Variants in TASP1 observed in about 807,000 individuals in gnomAD.
TASP1 encodes the protein threonine aspartase 1.
TASP1 carries 16 observed loss-of-function variants against 56.6 expected under a neutral mutation model. The observed-to-expected ratio is 0.28, with a 90% confidence interval of 0.19 to 0.43. The LOEUF is 0.43. TASP1 is among the 20% of genes least tolerant of loss of function. The pLI, the probability that TASP1 is intolerant of heterozygous loss-of-function variation, is 1.00. For synonymous variants in TASP1, 179 were observed against 184.2 expected (o/e 0.97, Z 0.23); for missense variants, 393 against 511.6 (o/e 0.77, Z 2.24).
chr20:13,325,221 A>G, the TASP1 span, among the ~76,000 whole-genome samples: 1 of 152,198 alleles, frequency 6.6e-6, no homozygotes, highest in African/African-American at 2.4e-5. Context: ...CGCATGTGGT[A>G]TCACAACTGA....
intron 13 of TASP1, among the ~76,000 whole-genome samples, chr20:13,404,812 G>C (rs377181450): frequency 6.6e-6 from 1 of 151,964 alleles, no homozygotes; most frequent in Non-Finnish European, 1.5e-5. Flanking sequence ...TATCAATTTT[G>C]ATTTCTTAAT....
At chr20:13,153,978 G>A in the TASP1 span, 1 of 1,610,882 alleles carries the variant, frequency 6.2e-7, no homozygotes, top group African/African-American at 1.3e-5. Flanking sequence ...GGGAATTGAT[G>A]GATTTCACGC....
At chr20:13,386,262 C>T (rs966566157), downstream of TASP1, among the ~76,000 whole-genome samples, 2 of 152,076 alleles carry the variant, frequency 1.3e-5, no homozygotes, top group Middle Eastern at 3.2e-3. Flanking sequence ...AAACTGCAGG[C>T]TATAGAACCC....
the TASP1 span, among the ~76,000 whole-genome samples, chr20:13,280,540 C>T: frequency 6.6e-6 from 1 of 152,184 alleles, no homozygotes; most frequent in Admixed American, 6.5e-5. Context: ...TAGGAGAACT[C>T]AGCTCCACTC....
At chr20:13,241,172 G>T in the TASP1 span, among the ~76,000 whole-genome samples, 1 of 152,128 alleles carries the variant, frequency 6.6e-6, no homozygotes, top group East Asian at 1.9e-4. Flanking sequence ...ACCTGAATGA[G>T]GTCACCAACT....
At chr20:13,196,696 A>G in the TASP1 span, among the ~76,000 whole-genome samples, 3 of 152,210 alleles carry the variant, frequency 2.0e-5, no homozygotes, top group African/African-American at 7.2e-5. Flanking sequence ...ACTTTGAGTT[A>G]AAACATGTAT....
the TASP1 span, among the ~76,000 whole-genome samples, chr20:13,170,409 T>C: frequency 6.6e-6 from 1 of 152,214 alleles, no homozygotes; most frequent in East Asian, 1.9e-4. Context: ...AAAAGGTTGA[T>C]TCCCATGCCA....
chr20:13,487,008 G>A (rs1172122125), intron 10 of TASP1, among the ~76,000 whole-genome samples: 4 of 152,080 alleles, frequency 2.6e-5, no homozygotes, highest in Admixed American at 2.6e-4. Flanking sequence ...GGGGAAAAAA[G>A]GCATAAAGAA....
chr20:13,275,458 G>A, the TASP1 span, among the ~76,000 whole-genome samples: 1 of 152,166 alleles, frequency 6.6e-6, no homozygotes, highest in Non-Finnish European at 1.5e-5. Context: ...AGCCTGTTCG[G>A]CTCAGATTCT....
chr20:13,576,342 GAAGAAAGAAAGA>G (rs71188165), intron 6 of TASP1, among the ~76,000 whole-genome samples: 2,336 of 131,712 alleles, frequency 0.018, 41 homozygotes, highest in African/African-American at 0.044. Flanking sequence ...AGAAAGAAAG[GAAGAAAGAAAGA>G]AAGAAAGAAA....
intron 11 of TASP1, among the ~76,000 whole-genome samples, chr20:13,474,565 T>C (rs1350183738): frequency 6.6e-6 from 1 of 152,240 alleles, no homozygotes; most frequent in Non-Finnish European, 1.5e-5. Context: ...TTCCATATGT[T>C]TGCAATTATA....
chr20:13,534,202 T>C, intron 8 of TASP1, 61 bp from the exon 9 acceptor site: 1 of 1,573,720 alleles, frequency 6.4e-7, no homozygotes, highest in East Asian at 2.3e-5. Context: ...CTGATATGAC[T>C]ACATAGCACT....
intron 12 of TASP1, among the ~76,000 whole-genome samples, chr20:13,423,033 A>T (rs760921360): frequency 2.6e-5 from 4 of 152,258 alleles, no homozygotes; most frequent in African/African-American, 4.8e-5. Flanking sequence ...TATTCCACAG[A>T]TATGCCTTTA....
rs191682343 is a variant in TASP1 at position 13,477,125 on chromosome 20, G to A, written c.985+6102C>T. On this transcript the variant is annotated intron_variant, in intron 11 of 13. Coordinates refer to ENST00000337743, the MANE Select transcript of TASP1 (RefSeq NM_017714.3). ...TTTTGTTCTTCCTATGACAGCTACT[G>A]TTCACATAAAATATTAATTGAATAT... Among the ~76,000 whole-genome samples, 22 of 152,152 alleles carry A rather than the reference G, an allele frequency of 1.4e-4. No homozygotes were observed. The East Asian group carries it at 4.3e-3, about 29-fold the overall frequency.
At chr20:13,224,741 AAGT>A in the TASP1 span, among the ~76,000 whole-genome samples, 1 of 152,160 alleles carries the variant, frequency 6.6e-6, no homozygotes, top group African/African-American at 2.4e-5. Context: ...ACGCCCAATA[AAGT>A]AGTAGTAAGA....
At chr20:13,318,616 T>C in the TASP1 span, among the ~76,000 whole-genome samples, 3 of 152,246 alleles carry the variant, frequency 2.0e-5, no homozygotes, top group Admixed American at 6.5e-5. Context: ...AGGGATAAAC[T>C]ATATCTTATT....
chr20:13,578,827 A>AC (rs1181877116), intron 6 of TASP1, among the ~76,000 whole-genome samples: 1 of 152,222 alleles, frequency 6.6e-6, no homozygotes, highest in East Asian at 1.9e-4. Context: ...ATCTACATCA[A>AC]CCTGTGTTAA....
At chr20:13,378,848 G>T in the TASP1 span, among the ~76,000 whole-genome samples, 5 of 151,968 alleles carry the variant, frequency 3.3e-5, no homozygotes, top group Admixed American at 6.6e-5. Flanking sequence ...TGTCTTTTTT[G>T]ATCTTTGTTG....
the TASP1 span, among the ~76,000 whole-genome samples, chr20:13,244,878 C>T: frequency 1.3e-5 from 2 of 152,158 alleles, no homozygotes; most frequent in East Asian, 3.8e-4. Flanking sequence ...TGCCAGTTTT[C>T]TATTGGAAGG....
Sources: allele counts gnomAD v4.1 joint callset (sites outside exome capture counted in the v4.1 genomes callset), GRCh38; gene constraint gnomAD v4.1.1; transcripts MANE v1.5; gene names NCBI Gene and HGNC (gene_info 2026-07-23, HGNC 2026-07-21).